The following TMEM233 variants were observed in gnomAD, a reference collection of about 807,000 sequenced individuals.
TMEM233 encodes the protein dispanin subfamily B member 2.
TMEM233 carries 6 observed loss-of-function variants against 11.2 expected under a neutral mutation model. The ratio of observed to expected loss-of-function variants is 0.54; its 90% confidence interval spans 0.29 to 1.06. The LOEUF is 1.06. Ranked by LOEUF, TMEM233 falls within the 50% of genes least tolerant of loss-of-function variation. The probability of loss-of-function intolerance (pLI) is 0.08; values close to 1 mark genes in which losing one functional copy is unlikely to be tolerated. For missense variants in TMEM233, 127 were observed against 144.7 expected, an observed-to-expected ratio of 0.88 and a Z score of 0.63; for synonymous variants, 59 against 55.8, an observed-to-expected ratio of 1.06 and a Z score of -0.26.
At chr12:119,643,457 CG>C (rs1389120880), downstream of TMEM233, among the ~76,000 whole-genome samples, 5 of 152,154 alleles carry the variant, frequency 3.3e-5, no homozygotes, top group Admixed American at 3.3e-4. Flanking sequence ...CTGCTCCACT[CG>C]CAAAAGCACA....
intron 1 of TMEM233, among the ~76,000 whole-genome samples, chr12:119,623,094 T>C (rs950711775): frequency 6.6e-6 from 1 of 151,938 alleles, no homozygotes; most frequent in African/African-American, 2.4e-5. Context: ...CCAGGGACTC[T>C]CATTTCACCT....
chr12:119,644,478 C>CTTTTTTT (rs58075242), downstream of TMEM233, among the ~76,000 whole-genome samples: 1 of 127,006 alleles, frequency 7.9e-6, no homozygotes, highest in Non-Finnish European at 1.7e-5. Context: ...TTTTTCTTTT[C>CTTTTTTT]TTTTTTTTTT....
chr12:119,616,573 C>T (rs955784049), intron 1 of TMEM233, among the ~76,000 whole-genome samples: 12 of 152,040 alleles, frequency 7.9e-5, no homozygotes, highest in South Asian at 2.1e-4. Context: ...AGGAAAGGTG[C>T]GACTTACAAG....
intron 1 of TMEM233, among the ~76,000 whole-genome samples, chr12:119,606,997 A>C (rs1954293222): frequency 6.6e-6 from 1 of 152,212 alleles, no homozygotes; most frequent in Non-Finnish European, 1.5e-5. Flanking sequence ...AACAGGACAA[A>C]ATACAAAATT....
downstream of TMEM233, among the ~76,000 whole-genome samples, chr12:119,645,734 G>A (rs1025107946): frequency 2.0e-5 from 3 of 152,220 alleles, no homozygotes; most frequent in East Asian, 5.8e-4. Context: ...ACCCGGTCAC[G>A]GCGTTCATCT....
At chr12:119,621,003 C>A (rs765321907) in intron 1 of TMEM233, among the ~76,000 whole-genome samples, 54 of 151,968 alleles carry the variant, frequency 3.6e-4, no homozygotes, top group Non-Finnish European at 6.5e-4. Flanking sequence ...GCCTCAGCCT[C>A]CTGAGTAGCT....
At chr12:119,604,939 G>A (rs1186686650) in intron 1 of TMEM233, among the ~76,000 whole-genome samples, 2 of 151,470 alleles carry the variant, frequency 1.3e-5, no homozygotes, top group East Asian at 3.9e-4. Flanking sequence ...GGCTAAGTTA[G>A]GTGTTTTTAA....
chr12:119,619,367 A>G (rs1954598892), intron 1 of TMEM233, among the ~76,000 whole-genome samples: 1 of 152,220 alleles, frequency 6.6e-6, no homozygotes, highest in Non-Finnish European at 1.5e-5. Flanking sequence ...TAGGCTAGGC[A>G]TGGTGGCTCA....
In TMEM233 at chr12:119,630,593, T is replaced by G. The variant is rs1471686358; in HGVS notation, c.323+721T>G. ...CTTTATTTACAACAACAGGCATCTGTCTGTGGGCTGTAGTTTGCCAACTTC... is the reference window on the plus strand; with the variant it reads ...CTTTATTTACAACAACAGGCATCTGGCTGTGGGCTGTAGTTTGCCAACTTC... On this transcript the variant is annotated intron_variant, in intron 2 of 2. Coordinates refer to ENST00000426426, the MANE Select transcript of TMEM233 (RefSeq NM_001136534.3). 2.6e-5 allele frequency among the ~76,000 whole-genome samples: 4 copies of G among 152,194 alleles called. No individual in the cohort carries two copies. In the East Asian group the frequency reaches 5.8e-4, roughly 22 times the overall value.
the TMEM233 span, among the ~76,000 whole-genome samples, chr12:119,651,825 C>CAAAAAA: frequency 1.3e-5 from 1 of 79,420 alleles, no homozygotes; most frequent in African/African-American, 5.2e-5. Flanking sequence ...GACTCCGTCT[C>CAAAAAA]AAAAAAAAAA....
At chr12:119,601,519 G>C (rs193302518) in intron 1 of TMEM233, among the ~76,000 whole-genome samples, 1 of 152,028 alleles carries the variant, frequency 6.6e-6, no homozygotes, top group African/African-American at 2.4e-5. Flanking sequence ...TTAGCCAGGC[G>C]TGGTGGCGGG....
Position 119,640,860 on chromosome 12 carries a change from A to AG in TMEM233, c.*155_*156insG, listed in dbSNP as rs59983963. ...AGGTCCCTGGCAAATGAACAAGAAA[A>AG]AAAAAAAAAAAAAGTCCAAAATTTA... On this transcript the variant is annotated 3_prime_UTR_variant, in exon 3 of 3. Coordinates refer to ENST00000426426, the MANE Select transcript of TMEM233 (RefSeq NM_001136534.3). 13,507 of 615,696 alleles carry AG rather than the reference A, an allele frequency of 0.022. 31 individuals carry two copies. The highest frequency in any genetic ancestry group is 0.029 in the Middle Eastern group (64 of 2,198). 38.1% of individuals were successfully genotyped at this position (615,696 alleles called of 1,614,324 possible).
intron 1 of TMEM233, among the ~76,000 whole-genome samples, chr12:119,626,895 C>T (rs1175971902): frequency 2.6e-5 from 4 of 152,228 alleles, no homozygotes; most frequent in Non-Finnish European, 4.4e-5. Flanking sequence ...GTGCCAGACA[C>T]CACTCTAAGT....
chr12:119,596,641 G>A (rs1163751399), intron 1 of TMEM233, among the ~76,000 whole-genome samples: 3 of 151,532 alleles, frequency 2.0e-5, no homozygotes, highest in Admixed American at 6.6e-5. Flanking sequence ...TACAGACGCC[G>A]GCCACCACGC....
At chr12:119,602,041 G>A (rs1954179298) in intron 1 of TMEM233, among the ~76,000 whole-genome samples, 1 of 152,170 alleles carries the variant, frequency 6.6e-6, no homozygotes, top group Non-Finnish European at 1.5e-5. Context: ...TTGTGGGCTG[G>A]CACTGTAAGC....
chr12:119,623,345 G>A (rs917011739), intron 1 of TMEM233, among the ~76,000 whole-genome samples: 5 of 152,098 alleles, frequency 3.3e-5, no homozygotes, highest in Admixed American at 6.5e-5. Flanking sequence ...ACAATAGGTC[G>A]GTTTGGGAAG....
At chr12:119,647,548 T>G (rs1238149694), downstream of TMEM233, among the ~76,000 whole-genome samples, 2 of 152,206 alleles carry the variant, frequency 1.3e-5, no homozygotes, top group African/African-American at 4.8e-5. Context: ...TGTTCTCTTC[T>G]TCAGTGTCAA....
intron 1 of TMEM233, among the ~76,000 whole-genome samples, chr12:119,617,098 G>A (rs1954553443): frequency 6.6e-6 from 1 of 152,164 alleles, no homozygotes; most frequent in South Asian, 2.1e-4. Flanking sequence ...CAGAAAATGT[G>A]GAAGCAACTT....
chr12:119,605,357 C>T (rs1954252669), intron 1 of TMEM233, among the ~76,000 whole-genome samples: 1 of 149,250 alleles, frequency 6.7e-6, no homozygotes, highest in African/African-American at 2.5e-5. Flanking sequence ...CAAAATCAAC[C>T]ATGACAGTCC....
Sources: gnomAD v4.1 joint callset for allele counts (sites outside exome capture counted in the v4.1 genomes callset) on GRCh38, gnomAD v4.1.1 for gene constraint, MANE v1.5 for transcripts, NCBI Gene and HGNC (gene_info 2026-07-23, HGNC 2026-07-21) for gene names.